CHIC2: variants seen among roughly 807,000 people sequenced by gnomAD.
The protein encoded by CHIC2 is cysteine rich hydrophobic domain 2.
A neutral mutation model predicts 25.9 loss-of-function variants in CHIC2; 14 were observed. That is an observed-to-expected ratio of 0.54 (90% CI 0.36 to 0.85). CHIC2 has a LOEUF of 0.85. Among genes scored for constraint, CHIC2 ranks in the 40% least tolerant of loss-of-function variants. The pLI, the probability that CHIC2 is intolerant of heterozygous loss-of-function variation, is 0.01. For missense variants in CHIC2, 146 were observed against 202.0 expected (o/e 0.72, Z 1.68); for synonymous variants, 70 against 72.0 (o/e 0.97, Z 0.14).
chr4:54,071,058 G>T, the CHIC2 span, among the ~76,000 whole-genome samples: 1 of 152,224 alleles, frequency 6.6e-6, no homozygotes, highest in Non-Finnish European at 1.5e-5. Flanking sequence ...AAGGCCTTTA[G>T]AGAGCAACAG....
intron 1 of CHIC2, among the ~76,000 whole-genome samples, chr4:54,055,566 A>C (rs1198783467): frequency 6.6e-6 from 1 of 152,154 alleles, no homozygotes; most frequent in Non-Finnish European, 1.5e-5. Context: ...CACCTGTACA[A>C]ATCTATAGAT....
chr4:54,064,572 T>G lies in CHIC2; in HGVS notation c.-272A>C. On this transcript the variant is annotated 5_prime_UTR_variant, in exon 1 of 6. Transcript: ENST00000263921. The surrounding 1 kb of genome is among the most constrained non-coding windows in gnomAD (Gnocchi z 4.2). Reference sequence around the variant, plus strand: ...ACACCTCCACAAGCACAGACGCCGCTGCCGCCGCCGCAGCAGCAGCAACTC... The same window carrying G: ...ACACCTCCACAAGCACAGACGCCGCGGCCGCCGCCGCAGCAGCAGCAACTC... 3 of 1,262,260 alleles carry G rather than the reference T, an allele frequency of 2.4e-6. No individual in the cohort carries two copies. Among genetic ancestry groups the G allele is most frequent in the Non-Finnish European group, 3.0e-6 (3 of 1,003,174 alleles). 78.2% of individuals were successfully genotyped at this position (1,262,260 alleles called of 1,614,324 possible).
intron 3 of CHIC2, among the ~76,000 whole-genome samples, chr4:54,018,638 A>C (rs1301587416): frequency 6.6e-6 from 1 of 152,114 alleles, no homozygotes; most frequent in Admixed American, 6.6e-5. Flanking sequence ...TTGAGAGCTA[A>C]AGAAAAAAAA....
upstream of CHIC2, among the ~76,000 whole-genome samples, chr4:54,067,095 T>A (rs1400973498): frequency 6.6e-6 from 1 of 152,222 alleles, no homozygotes; most frequent in Non-Finnish European, 1.5e-5. Context: ...TAGTGCTCTT[T>A]CCAGAACACT....
chr4:54,064,220 C>A lies in CHIC2; in HGVS notation c.81G>T (p.Pro27=). 1 of 1,607,586 alleles carries A rather than the reference C, an allele frequency of 6.2e-7. No homozygotes were observed. Among genetic ancestry groups the A allele is most frequent in the Non-Finnish European group, 8.5e-7 (1 of 1,177,226 alleles). ...ALEEQLLKYS[P]DPVVVRGSGH... is the part of the protein sequence containing the mutation. ...CGGAGCCGCGGACGACCACCGGGTCCGGCGAGTACTTGAGCAGCTGCTCCT... is the reference window on the plus strand; with the variant it reads ...CGGAGCCGCGGACGACCACCGGGTCAGGCGAGTACTTGAGCAGCTGCTCCT... The change falls in exon 1 of 6, where the codon CCG becomes CCT. Residue 27 remains proline (P), a synonymous_variant. Coordinates refer to ENST00000263921, the MANE Select transcript of CHIC2 (RefSeq NM_012110.4). The surrounding 1 kb of genome is among the most constrained non-coding windows in gnomAD (Gnocchi z 4.2).
At chr4:54,076,938 G>T in the CHIC2 span, 3 of 151,932 alleles carry the variant, frequency 2.0e-5, no homozygotes, top group Admixed American at 1.3e-4. Context: ...GAATATGTGG[G>T]CTAAGGAATC....
At chr4:54,075,084 G>A in the CHIC2 span, among the ~76,000 whole-genome samples, 3 of 152,030 alleles carry the variant, frequency 2.0e-5, no homozygotes, top group Admixed American at 6.6e-5. Flanking sequence ...GCACTCACCT[G>A]GGCAACAGAG....
chr4:54,069,170 G>C (rs1303036003), upstream of CHIC2, among the ~76,000 whole-genome samples: 2 of 152,098 alleles, frequency 1.3e-5, no homozygotes, highest in African/African-American at 4.8e-5. Flanking sequence ...TGGGAATGCA[G>C]GCATGCACCA....
At chr4:54,043,970 A>C (rs1716680843) in intron 3 of CHIC2, among the ~76,000 whole-genome samples, 1 of 152,230 alleles carries the variant, frequency 6.6e-6, no homozygotes, top group Non-Finnish European at 1.5e-5. Context: ...TCTACTAAGC[A>C]AATGGAAAAC....
the CHIC2 span, among the ~76,000 whole-genome samples, chr4:54,075,186 C>T: frequency 1.3e-5 from 2 of 152,152 alleles, no homozygotes; most frequent in Non-Finnish European, 2.9e-5. Context: ...AGGGTATAAC[C>T]TTGCTCTCAG....
At chr4:54,066,981 C>T (rs371987278), upstream of CHIC2, among the ~76,000 whole-genome samples, 5 of 152,208 alleles carry the variant, frequency 3.3e-5, no homozygotes, top group East Asian at 3.8e-4. Flanking sequence ...TTCCCAAAGA[C>T]GGAGGAAGCC....
chr4:54,019,231 A>T (rs1044915129), intron 3 of CHIC2, among the ~76,000 whole-genome samples: 2 of 141,866 alleles, frequency 1.4e-5, no homozygotes, highest in Non-Finnish European at 1.6e-5. Context: ...AAAAGCCTAG[A>T]TTCACCAAAA....
chr4:54,073,710 A>G, the CHIC2 span, among the ~76,000 whole-genome samples: 1 of 152,194 alleles, frequency 6.6e-6, no homozygotes. Flanking sequence ...GTTTTAAGCT[A>G]CCAAGTTTTG....
chr4:54,052,476 T>C (rs6816839), intron 1 of CHIC2, among the ~76,000 whole-genome samples: 60,551 of 151,880 alleles, frequency 0.4, 13,101 homozygotes, highest in African/African-American at 0.56. Flanking sequence ...GTACAACTGG[T>C]TCAGCACAGT....
chr4:54,044,909 A>C (rs1377659196), intron 3 of CHIC2, among the ~76,000 whole-genome samples: 1 of 151,930 alleles, frequency 6.6e-6, no homozygotes, highest in African/African-American at 2.4e-5. Context: ...TAGCAAGACT[A>C]ATAAAGAAGA....
In CHIC2 at chr4:54,014,139, A is replaced by C. The variant is rs927290101; in HGVS notation, c.331-20T>G. The stretch of plus-strand genomic sequence containing the variant: ...TCGTGTCTGGAAGACAAATGAGAAA[A>C]AAGTTTACTCTTGACTGGTTTTAGA... On this transcript the variant is annotated intron_variant, in intron 3 of 5. Coordinates refer to ENST00000263921, the MANE Select transcript of CHIC2 (RefSeq NM_012110.4). 9 of 1,611,342 alleles carry C rather than the reference A, an allele frequency of 5.6e-6. No individual in the cohort carries two copies.
At chr4:54,010,695 G>A (rs1715561272) in intron 5 of CHIC2, among the ~76,000 whole-genome samples, 16 of 151,982 alleles carry the variant, frequency 1.1e-4, no homozygotes, top group Admixed American at 1.0e-3. Flanking sequence ...CCAAAGCCTT[G>A]CCCTTTATAC....
At chr4:54,067,701 G>A (rs1248952906), upstream of CHIC2, among the ~76,000 whole-genome samples, 1 of 152,138 alleles carries the variant, frequency 6.6e-6, no homozygotes, top group Non-Finnish European at 1.5e-5. Context: ...ACTGGATAAT[G>A]TCAGGCCTCA....
chr4:54,069,388 G>A (rs1717575660), upstream of CHIC2, among the ~76,000 whole-genome samples: 1 of 152,228 alleles, frequency 6.6e-6, no homozygotes, highest in Admixed American at 6.5e-5. Context: ...AGAGGGTGAG[G>A]TCTGGAAGGG....
Sources: gnomAD v4.1 joint callset for allele counts (sites outside exome capture counted in the v4.1 genomes callset) on GRCh38, gnomAD v4.1.1 for gene constraint, Gnocchi (gnomAD v3.1) non-coding constraint, MANE v1.5 for transcripts, NCBI Gene and HGNC (gene_info 2026-07-23, HGNC 2026-07-21) for gene names.